Variants in RAF1 observed in about 807,000 individuals in gnomAD.
RAF1 encodes the protein Raf-1 proto-oncogene, serine/threonine kinase, also known as RAF proto-oncogene serine/threonine-protein kinase.
RAF1 carries 27 observed loss-of-function variants against 81.1 expected under a neutral mutation model. The observed-to-expected ratio is 0.33, with a 90% CI of 0.25 to 0.46. The LOEUF is 0.46. Among genes scored for constraint, RAF1 ranks in the 20% least tolerant of loss-of-function variants. RAF1 has a pLI of 1.00. For synonymous variants in RAF1, 298 were observed against 294.0 expected, an observed-to-expected ratio of 1.01 and a Z score of -0.14; for missense variants, 598 against 826.0, an observed-to-expected ratio of 0.72 and a Z score of 3.38.
At chr3:12,613,213 T>C (rs867270355) in intron 2 of RAF1, among the ~76,000 whole-genome samples, 1 of 152,190 alleles carries the variant, frequency 6.6e-6, no homozygotes, top group African/African-American at 2.4e-5. Context: ...AAAATTTGAA[T>C]GAAAATTTCA....
In RAF1 at chr3:12,583,670, C is replaced by T. The variant is rs1166338564; in HGVS notation, c.*844G>A. On this transcript the variant is annotated 3_prime_UTR_variant, in exon 18 of 18. Transcript: ENST00000442415. Reference sequence around the variant, plus strand: ...GGACCATCAGATAACTGTATTTTGTCAGGTGCAATAAAAACAAAATTAAAA... The same window carrying T: ...GGACCATCAGATAACTGTATTTTGTTAGGTGCAATAAAAACAAAATTAAAA... 4.3e-6 allele frequency: 1 copy of T among 233,150 alleles called. No homozygotes were observed. The highest frequency in any genetic ancestry group is 8.5e-6 in the Non-Finnish European group (1 of 117,986). 14.4% of individuals were successfully genotyped at this position (233,150 alleles called of 1,614,324 possible).
intron 11 of RAF1, 132 bp from the exon 11 acceptor site, chr3:12,591,924 AAT>A: frequency 6.7e-6 from 5 of 746,100 alleles, no homozygotes; most frequent in Non-Finnish European, 1.2e-5. Context: ...GCAAATTTCC[AAT>A]TTTTTTTTTT....
chr3:12,643,141 G>A (rs926697642), intron 1 of RAF1, among the ~76,000 whole-genome samples: 2 of 152,122 alleles, frequency 1.3e-5, no homozygotes, highest in Non-Finnish European at 2.9e-5. Flanking sequence ...TCTGTCCTCA[G>A]GCAACAAATC....
chr3:12,611,000 A>C (rs1477373831), intron 3 of RAF1, among the ~76,000 whole-genome samples: 4 of 152,106 alleles, frequency 2.6e-5, no homozygotes. Context: ...TACACATTTA[A>C]CTGAATAAAA....
chr3:12,592,086 A>G lies in RAF1; in HGVS notation c.1169-294T>C, dbSNP rs549240043. On this transcript the variant is annotated intron_variant, in intron 11 of 17. Transcript: ENST00000442415. ...ATCTCTACATAATTCAAATGACTCA[A>G]AAAAGTTACATAGGTTAACTGCTAT... 4.6e-4 allele frequency: 202 copies of G among 438,030 alleles called. 1 individual carries two copies. The highest frequency in any genetic ancestry group is 4.2e-3 in the South Asian group (199 of 47,418). 27.1% of individuals were successfully genotyped at this position (438,030 alleles called of 1,614,324 possible).
intron 1 of RAF1, among the ~76,000 whole-genome samples, chr3:12,630,172 CA>C (rs1234258910): frequency 1.3e-5 from 2 of 152,332 alleles, no homozygotes; most frequent in Non-Finnish European, 2.9e-5. Context: ...AATCCTAACA[CA>C]TTTTTTTGGG....
At chr3:12,628,779 T>C (rs1220909313) in intron 1 of RAF1, among the ~76,000 whole-genome samples, 3 of 141,142 alleles carry the variant, frequency 2.1e-5, no homozygotes, top group Non-Finnish European at 4.6e-5. Context: ...GGGCACATGG[T>C]CTCACTCTGT....
intron 1 of RAF1, among the ~76,000 whole-genome samples, chr3:12,626,202 C>A (rs2059696818): frequency 1.3e-5 from 2 of 149,232 alleles, no homozygotes; most frequent in African/African-American, 4.9e-5. Flanking sequence ...CAAGATAGCG[C>A]CATTGCACTC....
At chr3:12,605,828 T>C (rs2059010664) in intron 6 of RAF1, among the ~76,000 whole-genome samples, 1 of 152,266 alleles carries the variant, frequency 6.6e-6, no homozygotes, top group African/African-American at 2.4e-5. Flanking sequence ...AACATGCATT[T>C]CAAAGTTAAG....
At chr3:12,655,002 C>T (rs1029667553) in intron 1 of RAF1, among the ~76,000 whole-genome samples, 1 of 135,506 alleles carries the variant, frequency 7.4e-6, no homozygotes, top group Admixed American at 7.2e-5. Flanking sequence ...ATAGTGAGAC[C>T]CCCCCCCCGC....
chr3:12,591,570 G>T, intron 12 of RAF1, 138 bp downstream of exon 11: 2 of 737,498 alleles, frequency 2.7e-6, no homozygotes, highest in Non-Finnish European at 4.8e-6. Flanking sequence ...CAAGGGAGGA[G>T]CATCCAACCA....
chr3:12,599,974 T>C (rs980529705), intron 10 of RAF1, among the ~76,000 whole-genome samples, 166 bp from the exon 10 acceptor site: 1 of 152,248 alleles, frequency 6.6e-6, no homozygotes, highest in Non-Finnish European at 1.5e-5. Flanking sequence ...ATTTTAGTTA[T>C]AGCACTGGCA....
intron 8 of RAF1, 86 bp from the exon 8 acceptor site, chr3:12,600,501 G>T: frequency 7.1e-7 from 1 of 1,401,130 alleles, no homozygotes; most frequent in Non-Finnish European, 1.0e-6. Flanking sequence ...GGATGTGCAA[G>T]AACAAAATAG....
chr3:12,601,290 C>G (rs921416668), intron 8 of RAF1, among the ~76,000 whole-genome samples: 1 of 152,174 alleles, frequency 6.6e-6, no homozygotes, highest in African/African-American at 2.4e-5. Flanking sequence ...GAACCAGAAA[C>G]CATCATATAT....
chr3:12,633,130 A>C lies in RAF1; in HGVS notation c.-26-14383T>G, dbSNP rs879394351. Among the ~76,000 whole-genome samples, 1,086 of 152,302 alleles carry C rather than the reference A, an allele frequency of 7.1e-3. 6 individuals are homozygous for C. The highest frequency in any genetic ancestry group is 0.024 in the African/African-American group (1,018 of 41,564). ...TTTAATCTTATCTTTTAAAAAAATA[A>C]AGAGGTTGCAAAGGAATATCAGGCT... On this transcript the variant is annotated intron_variant, in intron 1 of 17. Transcript: ENST00000442415.
At chr3:12,607,490 A>T (rs1205082744) in intron 5 of RAF1, among the ~76,000 whole-genome samples, 3 of 152,100 alleles carry the variant, frequency 2.0e-5, no homozygotes, top group Admixed American at 2.0e-4. Context: ...TCTAGAAAAA[A>T]TACAAAAATT....
At chr3:12,660,635 A>G (rs1400141444) in intron 1 of RAF1, among the ~76,000 whole-genome samples, 1 of 152,158 alleles carries the variant, frequency 6.6e-6, no homozygotes, top group African/African-American at 2.4e-5. Flanking sequence ...AACTACTGAC[A>G]AGACTTTAAC....
intron 12 of RAF1, 57 bp from the exon 12 acceptor site, chr3:12,591,031 C>G (rs991611263): frequency 6.7e-7 from 1 of 1,490,168 alleles, no homozygotes; most frequent in South Asian, 1.2e-5. Context: ...GGGAGGTCTA[C>G]TGTGCTTTCC....
chr3:12,647,454 A>G (rs2060388567), intron 1 of RAF1, among the ~76,000 whole-genome samples: 1 of 142,876 alleles, frequency 7.0e-6, no homozygotes, highest in South Asian at 2.1e-4. Context: ...TCAGCCATGC[A>G]CGGTGTAGCA....
Sources: allele counts gnomAD v4.1 joint callset (sites outside exome capture counted in the v4.1 genomes callset), GRCh38; gene constraint gnomAD v4.1.1; transcripts MANE v1.5; gene names NCBI Gene and HGNC (gene_info 2026-07-23, HGNC 2026-07-21).